FBXL17: variants seen among roughly 807,000 people sequenced by gnomAD.
FBXL17 encodes F-box/LRR-repeat protein 17.
A neutral mutation model predicts 66.2 loss-of-function variants in FBXL17; 22 were observed. The ratio of observed to expected loss-of-function variants is 0.33; its 90% confidence interval spans 0.24 to 0.47. FBXL17 has a LOEUF of 0.47. FBXL17 is among the 20% of genes least tolerant of loss of function. The probability of loss-of-function intolerance (pLI) is 1.00; values close to 1 mark genes in which losing one functional copy is unlikely to be tolerated. For synonymous variants in FBXL17, 474 were observed against 400.5 expected (o/e 1.18, Z -2.19); for missense variants, 878 against 948.2 (o/e 0.93, Z 0.97).
At chr5:107,882,485 G>A (rs150493762) in intron 7 of FBXL17, among the ~76,000 whole-genome samples, 1 of 151,958 alleles carries the variant, frequency 6.6e-6, no homozygotes, top group African/African-American at 2.4e-5. Context: ...ATACAATAGA[G>A]AGACAATTTT....
intron 7 of FBXL17, among the ~76,000 whole-genome samples, chr5:107,966,896 T>C (rs79834916): frequency 0.027 from 4,159 of 152,192 alleles, 182 homozygotes; most frequent in African/African-American, 0.093. Context: ...AAATGTGTGT[T>C]TCTTTTTTCC....
At chr5:108,161,497 C>CAAAA (rs1263231385) in intron 6 of FBXL17, among the ~76,000 whole-genome samples, 1 of 151,348 alleles carries the variant, frequency 6.6e-6, no homozygotes, top group Admixed American at 6.6e-5. Context: ...AACAAACAAA[C>CAAAA]AAAAAAACCC....
chr5:107,947,989 C>CT (rs1333763093), intron 7 of FBXL17, among the ~76,000 whole-genome samples: 1 of 152,032 alleles, frequency 6.6e-6, no homozygotes, highest in Non-Finnish European at 1.5e-5. Context: ...TCAGAGAAGA[C>CT]TATAAAGCCT....
At chr5:108,197,246 A>G (rs955363756) in intron 5 of FBXL17, among the ~76,000 whole-genome samples, 4 of 152,320 alleles carry the variant, frequency 2.6e-5, no homozygotes, top group African/African-American at 9.6e-5. Context: ...TTTCCCTTCA[A>G]TTAAAAAATA....
chr5:108,357,985 T>C (rs531995371), intron 3 of FBXL17, among the ~76,000 whole-genome samples: 1 of 152,218 alleles, frequency 6.6e-6, no homozygotes, highest in East Asian at 1.9e-4. Flanking sequence ...TCTATTTCTT[T>C]TGGGGTGTGT....
chr5:108,262,078 A>ATTTTTTT (rs1479354239), intron 4 of FBXL17, among the ~76,000 whole-genome samples: 6 of 111,664 alleles, frequency 5.4e-5, no homozygotes, highest in African/African-American at 1.6e-4. Flanking sequence ...TTATTTATTT[A>ATTTTTTT]TTTATTTATT....
At chr5:108,204,820 T>A (rs1366427450) in intron 5 of FBXL17, among the ~76,000 whole-genome samples, 1 of 151,426 alleles carries the variant, frequency 6.6e-6, no homozygotes, top group East Asian at 1.9e-4. Context: ...AGTTTTTTAA[T>A]CATTATGGAA....
chr5:107,923,754 C>T (rs1266053326), intron 7 of FBXL17, among the ~76,000 whole-genome samples: 2 of 152,212 alleles, frequency 1.3e-5, no homozygotes, highest in Non-Finnish European at 2.9e-5. Flanking sequence ...TTAACACCCA[C>T]TCTTTCATTG....
intron 4 of FBXL17, chr5:108,298,336 G>A (rs1758434114): frequency 1.0e-6 from 1 of 983,604 alleles, no homozygotes; most frequent in Non-Finnish European, 1.2e-6. Flanking sequence ...GAGAAAAATC[G>A]TTTTTGTATA....
chr5:108,291,006 G>A (rs1758089757), intron 4 of FBXL17, among the ~76,000 whole-genome samples: 2 of 152,236 alleles, frequency 1.3e-5, no homozygotes, highest in South Asian at 4.1e-4. Context: ...TACCACATAT[G>A]CAACGCCATC....
intron 7 of FBXL17, among the ~76,000 whole-genome samples, chr5:107,988,958 A>G (rs1240506516): frequency 1.3e-5 from 2 of 152,084 alleles, no homozygotes; most frequent in Non-Finnish European, 2.9e-5. Context: ...AACTCATATC[A>G]TGGCTATTTG....
chr5:108,179,847 T>A (rs181030440), intron 6 of FBXL17, among the ~76,000 whole-genome samples: 21 of 152,278 alleles, frequency 1.4e-4, no homozygotes, highest in Admixed American at 1.4e-3. Context: ...CCAGACTCAA[T>A]TTAAAAAGAA....
At chr5:108,126,407 C>T (rs947001130) in intron 6 of FBXL17, among the ~76,000 whole-genome samples, 1 of 151,810 alleles carries the variant, frequency 6.6e-6, no homozygotes, top group Non-Finnish European at 1.5e-5. Context: ...TTAAAAATCA[C>T]CTGTGAAAGT....
intron 4 of FBXL17, among the ~76,000 whole-genome samples, chr5:108,300,415 G>T (rs1264366801): frequency 6.6e-6 from 1 of 151,660 alleles, no homozygotes; most frequent in Non-Finnish European, 1.5e-5. Context: ...TCAATTTTTG[G>T]AATTGTTGAA....
Position 108,311,652 on chromosome 5 carries a change from C to G in FBXL17, c.1506+36747G>C, listed in dbSNP as rs192147677. ...CCCTAAGAGTCTTTTTATTTCATCT[C>G]CACATCCCCATTTGCCATTCTGCAT... On this transcript the variant is annotated intron_variant, in intron 4 of 8. Coordinates refer to ENST00000542267, the MANE Select transcript of FBXL17 (RefSeq NM_001163315.3). Among the ~76,000 whole-genome samples the G allele has an allele frequency of 3.9e-5, 6 of 152,208 alleles. No individual in the cohort carries two copies. In the East Asian group the frequency reaches 1.2e-3, roughly 29 times the overall value.
chr5:108,088,867 T>C (rs564537169), intron 6 of FBXL17, among the ~76,000 whole-genome samples: 1 of 152,076 alleles, frequency 6.6e-6, no homozygotes, highest in African/African-American at 2.4e-5. Context: ...CAGATAAGCA[T>C]AGTTCACTTA....
At chr5:107,892,326 T>TAA (rs1040153582) in intron 7 of FBXL17, among the ~76,000 whole-genome samples, 2 of 152,146 alleles carry the variant, frequency 1.3e-5, no homozygotes, top group African/African-American at 4.8e-5. Context: ...AGTTCACACT[T>TAA]ATTCTTTTAT....
At chr5:108,364,216 A>G (rs562895520) in intron 3 of FBXL17, among the ~76,000 whole-genome samples, 1 of 152,174 alleles carries the variant, frequency 6.6e-6, no homozygotes, top group South Asian at 2.1e-4. Flanking sequence ...GAAACCTTAA[A>G]TGCCATTTCC....
intron 6 of FBXL17, among the ~76,000 whole-genome samples, chr5:108,064,824 C>T (rs1748056156): frequency 6.6e-6 from 1 of 152,146 alleles, no homozygotes; most frequent in African/African-American, 2.4e-5. Flanking sequence ...TTAGGACAGC[C>T]TTCCTGCAGC....
Sources: allele counts gnomAD v4.1 joint callset (sites outside exome capture counted in the v4.1 genomes callset), GRCh38; gene constraint gnomAD v4.1.1; transcripts MANE v1.5; gene names NCBI Gene and HGNC (gene_info 2026-07-23, HGNC 2026-07-21).